Variants in SLIT2 observed in about 807,000 individuals in gnomAD.
SLIT2 encodes slit homolog 2 protein.
Under a neutral mutation model 185.7 loss-of-function variants are expected in SLIT2, and 41 were observed. The ratio of observed to expected loss-of-function variants is 0.22; its 90% CI spans 0.17 to 0.29. The LOEUF (loss-of-function observed/expected upper bound fraction) is 0.29. SLIT2 is among the 10% of genes least tolerant of loss of function. The probability of loss-of-function intolerance (pLI) is 1.00; values close to 1 mark genes in which losing one functional copy is unlikely to be tolerated. For missense variants in SLIT2, 1,571 were observed against 1,909.0 expected (o/e 0.82, Z 3.30); for synonymous variants, 693 against 680.2 (o/e 1.02, Z -0.29).
chr4:20,514,634 GTC>G (rs1284049991), intron 11 of SLIT2, among the ~76,000 whole-genome samples: 5 of 152,020 alleles, frequency 3.3e-5, no homozygotes, highest in Non-Finnish European at 7.4e-5. Flanking sequence ...AACCAAGTGA[GTC>G]TCTGTCTCAA....
At chr4:20,308,397 A>G (rs989521043) in intron 4 of SLIT2, among the ~76,000 whole-genome samples, 4 of 152,226 alleles carry the variant, frequency 2.6e-5, no homozygotes, top group Non-Finnish European at 4.4e-5. Context: ...TTTATAGTAT[A>G]TAGATTAGAT....
chr4:20,255,234 T>C (rs554103509), intron 1 of SLIT2, among the ~76,000 whole-genome samples: 127 of 152,212 alleles, frequency 8.3e-4, no homozygotes, highest in African/African-American at 3.0e-3. Flanking sequence ...GACCCGCACG[T>C]CTCCACCCGC....
chr4:20,277,132 T>C (rs1714246553), intron 4 of SLIT2, among the ~76,000 whole-genome samples: 1 of 152,162 alleles, frequency 6.6e-6, no homozygotes, highest in Admixed American at 6.5e-5. Flanking sequence ...GGATTTATAA[T>C]AGGCTGTGCT....
chr4:20,596,646 A>C lies in SLIT2; in HGVS notation c.3552A>C (p.Ile1184=). 1 of 1,612,654 alleles carries C rather than the reference A, an allele frequency of 6.2e-7. No individual in the cohort carries two copies. Among genetic ancestry groups the C allele is most frequent in the Non-Finnish European group, 8.5e-7 (1 of 1,179,818 alleles). ...PSAKVRPQTN[I]TLQIATDEDS... ...CCAAGGTTCGGCCTCAGACGAACATAACACTTCAGGTAAGAGATCTCTCTC... is the reference window on the plus strand; with the variant it reads ...CCAAGGTTCGGCCTCAGACGAACATCACACTTCAGGTAAGAGATCTCTCTC... Residue 1184 remains isoleucine, a synonymous_variant, in exon 32 of 37, where the codon ATA becomes ATC. Coordinates refer to ENST00000504154, the MANE Select transcript of SLIT2 (RefSeq NM_004787.4).
At chr4:20,364,080 G>C (rs190775922) in intron 4 of SLIT2, among the ~76,000 whole-genome samples, 3 of 152,136 alleles carry the variant, frequency 2.0e-5, no homozygotes, top group African/African-American at 4.8e-5. Context: ...TGAAAGGAAC[G>C]AGGAAGGGAA....
chr4:20,450,709 G>A (rs1712377148), intron 4 of SLIT2, among the ~76,000 whole-genome samples: 1 of 152,188 alleles, frequency 6.6e-6, no homozygotes. Context: ...GCTTTTCTGT[G>A]AGTCAAAATG....
intron 4 of SLIT2, among the ~76,000 whole-genome samples, chr4:20,352,238 A>G (rs1420022048): frequency 6.6e-6 from 1 of 152,164 alleles, no homozygotes; most frequent in South Asian, 2.1e-4. Context: ...GCATAACGCT[A>G]TTCATCATCC....
chr4:20,345,006 G>A (rs930883272), intron 4 of SLIT2, among the ~76,000 whole-genome samples: 3 of 152,160 alleles, frequency 2.0e-5, no homozygotes, highest in Non-Finnish European at 4.4e-5. Flanking sequence ...AATTTTGGGA[G>A]TGATTATATT....
Position 20,482,833 on chromosome 4 carries a change from G to GT in SLIT2, c.539+2055dup, listed in dbSNP as rs201210510. Among the ~76,000 whole-genome samples the GT allele has an allele frequency of 2.0e-3, 301 of 149,852 alleles. 1 individual carries two copies. Among genetic ancestry groups the GT allele is most frequent in the East Asian group, 7.6e-3 (39 of 5,114 alleles). ...AAGTTGATCAGACATTACTTTAAAT[G>GT]TTTTTTTTTCAATCCTCATACTTTA... On this transcript the variant is annotated intron_variant, in intron 6 of 36. Coordinates refer to ENST00000504154, the MANE Select transcript of SLIT2 (RefSeq NM_004787.4).
chr4:20,570,663 G>T (rs534293650), intron 29 of SLIT2, among the ~76,000 whole-genome samples: 3 of 147,618 alleles, frequency 2.0e-5, no homozygotes, highest in Non-Finnish European at 4.5e-5. Flanking sequence ...AGACAAATTG[G>T]ACCCAAGCAT....
At chr4:20,617,352 A>G in intron 35 of SLIT2, 87 bp from the exon 36 acceptor site, 1 of 1,426,368 alleles carries the variant, frequency 7.0e-7, no homozygotes. Context: ...ATATTTTCTC[A>G]ATCATCCTCC....
chr4:20,332,139 C>T (rs894684432), intron 4 of SLIT2, among the ~76,000 whole-genome samples: 3 of 152,040 alleles, frequency 2.0e-5, no homozygotes, highest in African/African-American at 4.8e-5. Context: ...TGTGTATATA[C>T]CTGGAAGTGT....
chr4:20,281,021 TG>T (rs1714716551), intron 4 of SLIT2, among the ~76,000 whole-genome samples: 1 of 151,996 alleles, frequency 6.6e-6, no homozygotes, highest in African/African-American at 2.4e-5. Context: ...TTAGTAGAGA[TG>T]GGGTTTCTCC....
intron 4 of SLIT2, among the ~76,000 whole-genome samples, chr4:20,443,474 CTT>C (rs1228503264): frequency 6.7e-6 from 1 of 148,160 alleles, no homozygotes. Context: ...AAGCAGATAA[CTT>C]TTAGCTCAGG....
chr4:20,253,747 G>A lies in SLIT2; in HGVS notation c.-69G>A. The A allele has an allele frequency of 6.4e-7, 1 of 1,561,406 alleles. No individual in the cohort carries two copies. Among genetic ancestry groups the A allele is most frequent in the Non-Finnish European group, 8.6e-7 (1 of 1,156,782 alleles). On this transcript the variant is annotated 5_prime_UTR_variant, in exon 1 of 37. Transcript: ENST00000504154. The stretch of plus-strand genomic sequence containing the variant: ...CCGGGCACTGGGCCTCAGACACTGC[G>A]CGGTTCCCTCGGAGCAGCAAGCTAA...
chr4:20,315,130 T>G (rs1389468362), intron 4 of SLIT2, among the ~76,000 whole-genome samples: 3 of 152,126 alleles, frequency 2.0e-5, no homozygotes, highest in Non-Finnish European at 4.4e-5. Flanking sequence ...TCTTCAATAC[T>G]GTGTATATTA....
chr4:20,410,919 A>AT (rs887687764), intron 4 of SLIT2, among the ~76,000 whole-genome samples: 1 of 152,116 alleles, frequency 6.6e-6, no homozygotes, highest in African/African-American at 2.4e-5. Flanking sequence ...TTCCATATGA[A>AT]TTTTAAAGTA....
intron 4 of SLIT2, among the ~76,000 whole-genome samples, chr4:20,386,279 C>T (rs1724930671): frequency 6.6e-6 from 1 of 152,138 alleles, no homozygotes; most frequent in Non-Finnish European, 1.5e-5. Context: ...TGAGAATTAA[C>T]AATAATTTCC....
chr4:20,274,742 GTT>G (rs35101905), intron 4 of SLIT2, among the ~76,000 whole-genome samples: 2,220 of 144,692 alleles, frequency 0.015, 56 homozygotes, highest in African/African-American at 0.053. Flanking sequence ...AAGTTTCTGT[GTT>G]TTTTTTTTTT....
Sources: gnomAD v4.1 joint callset for allele counts (sites outside exome capture counted in the v4.1 genomes callset) on GRCh38, gnomAD v4.1.1 for gene constraint, MANE v1.5 for transcripts, NCBI Gene and HGNC (gene_info 2026-07-23, HGNC 2026-07-21) for gene names.